Variants in SLC9A9 observed in about 807,000 individuals in gnomAD.
SLC9A9 encodes solute carrier family 9 member A9.
Under a neutral mutation model 77.8 loss-of-function variants are expected in SLC9A9, and 62 were observed. That is an observed-to-expected ratio of 0.80 (90% confidence interval 0.65 to 0.98). The LOEUF (loss-of-function observed/expected upper bound fraction) is 0.98, where lower values mean the gene tolerates loss of function less well. SLC9A9 is among the 50% of genes least tolerant of loss of function. The pLI, the probability that SLC9A9 is intolerant of heterozygous loss-of-function variation, is 0.00. For missense variants in SLC9A9, 775 were observed against 774.9 expected, an observed-to-expected ratio of 1.00 and a Z score of 0.00; for synonymous variants, 320 against 283.5, an observed-to-expected ratio of 1.13 and a Z score of -1.29.
chr3:143,433,880 G>C (rs2034572882), intron 12 of SLC9A9, among the ~76,000 whole-genome samples: 1 of 152,162 alleles, frequency 6.6e-6, no homozygotes. Flanking sequence ...TTGAAGTATA[G>C]ATAACCTATA....
intron 5 of SLC9A9, among the ~76,000 whole-genome samples, chr3:143,663,032 C>T (rs2039004666): frequency 6.6e-6 from 1 of 152,276 alleles, no homozygotes; most frequent in African/African-American, 2.4e-5. Flanking sequence ...GAGACACCTC[C>T]CAGTAGGGGC....
chr3:143,563,867 T>C (rs569148195), intron 8 of SLC9A9, among the ~76,000 whole-genome samples: 1 of 152,224 alleles, frequency 6.6e-6, no homozygotes, highest in South Asian at 2.1e-4. Flanking sequence ...TCTGCATACT[T>C]GGGATTGAAG....
At chr3:143,321,692 T>A (rs1209635156) in intron 14 of SLC9A9, among the ~76,000 whole-genome samples, 1 of 152,228 alleles carries the variant, frequency 6.6e-6, no homozygotes, top group African/African-American at 2.4e-5. Flanking sequence ...AAATGGTACA[T>A]CCATTGCTCT....
intron 11 of SLC9A9, among the ~76,000 whole-genome samples, chr3:143,467,405 G>C (rs62267824): frequency 1.3e-5 from 2 of 152,190 alleles, no homozygotes; most frequent in African/African-American, 2.4e-5. Flanking sequence ...CAAAACTATA[G>C]CTCAATATGT....
intron 14 of SLC9A9, among the ~76,000 whole-genome samples, chr3:143,336,226 TA>T (rs2031918541): frequency 6.6e-6 from 1 of 152,102 alleles, no homozygotes; most frequent in African/African-American, 2.4e-5. Context: ...GCTACTATCA[TA>T]AAAACAGAAA....
chr3:143,475,184 G>T (rs2035453545), intron 11 of SLC9A9, among the ~76,000 whole-genome samples: 1 of 150,928 alleles, frequency 6.6e-6, no homozygotes, highest in Non-Finnish European at 1.5e-5. Context: ...GGTCAGGATG[G>T]TTTCGATTTC....
intron 4 of SLC9A9, among the ~76,000 whole-genome samples, chr3:143,710,201 C>T (rs888385562): frequency 6.6e-6 from 1 of 152,146 alleles, no homozygotes; most frequent in South Asian, 2.1e-4. Flanking sequence ...CACACACATA[C>T]ATGTACATAT....
intron 4 of SLC9A9, among the ~76,000 whole-genome samples, chr3:143,767,484 A>G (rs1710117352): frequency 6.6e-6 from 1 of 151,482 alleles, no homozygotes; most frequent in African/African-American, 2.4e-5. Context: ...TCCACGGACA[A>G]ATGTCTTGTT....
At chr3:143,392,941 T>C (rs913889934) in intron 12 of SLC9A9, among the ~76,000 whole-genome samples, 1 of 152,160 alleles carries the variant, frequency 6.6e-6, no homozygotes, top group Admixed American at 6.5e-5. Context: ...CCCAGATTCA[T>C]AAAGCAAGTC....
intron 5 of SLC9A9, among the ~76,000 whole-genome samples, chr3:143,679,149 A>G (rs1932997293): frequency 6.6e-6 from 1 of 152,170 alleles, no homozygotes; most frequent in Non-Finnish European, 1.5e-5. Context: ...AAACAAACAA[A>G]AACTGTTTAA....
At chr3:143,634,920 G>A (rs948690540) in intron 6 of SLC9A9, among the ~76,000 whole-genome samples, 6 of 151,864 alleles carry the variant, frequency 4.0e-5, no homozygotes, top group Non-Finnish European at 8.8e-5. Flanking sequence ...TAATAGTACA[G>A]GGAAAGGGGT....
intron 4 of SLC9A9, among the ~76,000 whole-genome samples, chr3:143,754,237 G>A (rs2006848048): frequency 6.6e-6 from 1 of 152,224 alleles, no homozygotes; most frequent in Admixed American, 6.5e-5. Flanking sequence ...ATAAGGAAAA[G>A]TGTTCTTGCA....
intron 9 of SLC9A9, among the ~76,000 whole-genome samples, chr3:143,511,304 C>A (rs113517775): frequency 2.7e-4 from 41 of 152,322 alleles, no homozygotes; most frequent in African/African-American, 9.6e-4. Context: ...CTTGCCCCCA[C>A]GACCTTTAAG....
At chr3:143,473,047 G>T (rs2035406830) in intron 11 of SLC9A9, among the ~76,000 whole-genome samples, 1 of 151,604 alleles carries the variant, frequency 6.6e-6, no homozygotes, top group Non-Finnish European at 1.5e-5. Flanking sequence ...AGAATCACGT[G>T]GAACTTAAAA....
At chr3:143,466,021 A>C (rs577493590) in intron 12 of SLC9A9, among the ~76,000 whole-genome samples, 1 of 152,312 alleles carries the variant, frequency 6.6e-6, no homozygotes, top group East Asian at 1.9e-4. Context: ...TGGTTAATGA[A>C]AGTGTTTACA....
At chr3:143,526,336 G>A (rs1343174015) in intron 9 of SLC9A9, among the ~76,000 whole-genome samples, 1 of 152,214 alleles carries the variant, frequency 6.6e-6, no homozygotes, top group African/African-American at 2.4e-5. Context: ...ACAGCCATGA[G>A]GACATGAATG....
intron 14 of SLC9A9, among the ~76,000 whole-genome samples, chr3:143,286,367 G>A (rs1938382651): frequency 6.6e-6 from 1 of 152,200 alleles, no homozygotes; most frequent in Admixed American, 6.5e-5. Flanking sequence ...TACAGGCTGT[G>A]ACCTTCCTGC....
chr3:143,815,757 T>A (rs2008996108), intron 2 of SLC9A9, among the ~76,000 whole-genome samples: 1 of 151,992 alleles, frequency 6.6e-6, no homozygotes, highest in South Asian at 2.1e-4. Flanking sequence ...TCCCAGCTAT[T>A]CAGGAGGCTG....
chr3:143,368,268 A>G (rs2032961508), intron 13 of SLC9A9, among the ~76,000 whole-genome samples: 1 of 152,226 alleles, frequency 6.6e-6, no homozygotes, highest in South Asian at 2.1e-4. Context: ...CAGAAAAATT[A>G]TGATGGTACT....
Sources: allele counts gnomAD v4.1 joint callset (sites outside exome capture counted in the v4.1 genomes callset), GRCh38; gene constraint gnomAD v4.1.1; transcripts MANE v1.5; gene names NCBI Gene and HGNC (gene_info 2026-07-23, HGNC 2026-07-21).